Variants in NRG2 observed in about 807,000 individuals in gnomAD.
NRG2 encodes pro-neuregulin-2, membrane-bound isoform.
A neutral mutation model predicts 73.9 loss-of-function variants in NRG2; 27 were observed. The ratio of observed to expected loss-of-function variants is 0.37; its 90% CI spans 0.27 to 0.50. The LOEUF is 0.50. Among genes scored for constraint, NRG2 ranks in the 20% least tolerant of loss-of-function variants. The pLI is 0.96. For missense variants in NRG2, 1,126 were observed against 1,210.1 expected (o/e 0.93, Z 1.03); for synonymous variants, 532 against 541.0 (o/e 0.98, Z 0.23).
At chr5:140,025,600 A>G (rs1048889074) in intron 1 of NRG2, among the ~76,000 whole-genome samples, 1 of 152,220 alleles carries the variant, frequency 6.6e-6, no homozygotes, top group African/African-American at 2.4e-5. Flanking sequence ...AAATCCACAT[A>G]TCAGAGATTT....
chr5:140,008,944 G>C lies in NRG2; in HGVS notation c.700+33426C>G, dbSNP rs1331261859. On this transcript the variant is annotated intron_variant, in intron 1 of 9. Transcript: ENST00000361474. This position sits in a 1 kb window ranked among gnomAD's most constrained non-coding sequence, Gnocchi z 4.2. ...ATAGAACCAACCTCCCAGGGTTGTT[G>C]CAAGGACTGAGTGAGAGACAAAACA... Among the ~76,000 whole-genome samples the C allele has an allele frequency of 6.6e-6, 1 of 152,192 alleles. No individual in the cohort carries two copies. Among genetic ancestry groups the C allele is most frequent in the Non-Finnish European group, 1.5e-5 (1 of 68,034 alleles).
At chr5:139,927,305 G>C (rs1026339187) in intron 1 of NRG2, among the ~76,000 whole-genome samples, 1 of 151,982 alleles carries the variant, frequency 6.6e-6, no homozygotes, top group Non-Finnish European at 1.5e-5. Context: ...CTTATTCTTG[G>C]CTCACTCTGG....
intron 1 of NRG2, among the ~76,000 whole-genome samples, chr5:139,985,164 AC>A (rs1462876938): frequency 6.6e-6 from 1 of 151,672 alleles, no homozygotes; most frequent in Non-Finnish European, 1.5e-5. Context: ...ACATTGTGAA[AC>A]CCCGTCTCTA....
Position 139,938,850 on chromosome 5 carries a change from A to AAGAGAGAG in NRG2, c.701-51347_701-51340dup, listed in dbSNP as rs61044289. Among the ~76,000 whole-genome samples the AAGAGAGAG allele has an allele frequency of 2.8e-3, 270 of 95,034 alleles. 3 individuals are homozygous for AAGAGAGAG. The highest frequency in any genetic ancestry group is 9.8e-3 in the South Asian group (20 of 2,040). The allele number at this position is 95,034 out of a possible 152,430, so 62.3% of individuals were successfully genotyped here. ...ATTGGACAGTCATATACAGAAAGGG[A>AAGAGAGAG]AGAGAGAGAGAGAGAGAGAGAGAGA... On this transcript the variant is annotated intron_variant, in intron 1 of 9. Coordinates refer to ENST00000361474, the MANE Select transcript of NRG2 (RefSeq NM_004883.3).
At chr5:139,912,318 C>T (rs1314392976) in intron 1 of NRG2, among the ~76,000 whole-genome samples, 1 of 152,112 alleles carries the variant, frequency 6.6e-6, no homozygotes, top group African/African-American at 2.4e-5. Context: ...GCAAAAAATT[C>T]TCTTCTCTCT....
Position 139,851,894 on chromosome 5 carries a change from G to A in NRG2, c.1545-63C>T, listed in dbSNP as rs756639043. ...AGGGGCAGGGCGGCCCAGCAGGTGT[G>A]GTCCCATGGACCTCCCTGGCTCTTC... On this transcript the variant is annotated intron_variant, in intron 8 of 9. Transcript: ENST00000361474. The surrounding 1 kb of genome is among the most constrained non-coding windows in gnomAD (Gnocchi z 4.2). The A allele has an allele frequency of 6.9e-7, 1 of 1,447,052 alleles. No homozygotes were observed. 89.6% of individuals were successfully genotyped at this position (1,447,052 alleles called of 1,614,324 possible). A position where few individuals can be genotyped will look rare whatever the true frequency, so the allele number is the denominator to read the frequency against.
At chr5:140,037,473 G>T (rs1486592724) in intron 1 of NRG2, among the ~76,000 whole-genome samples, 1 of 152,200 alleles carries the variant, frequency 6.6e-6, no homozygotes, top group Non-Finnish European at 1.5e-5. Flanking sequence ...ATAGATACTT[G>T]AGATAGAGGA....
At chr5:139,982,596 AGC>A (rs1341346869) in intron 1 of NRG2, among the ~76,000 whole-genome samples, 1 of 152,220 alleles carries the variant, frequency 6.6e-6, no homozygotes, top group Non-Finnish European at 1.5e-5. Context: ...AAGCCAGCAG[AGC>A]GCGTCAGTCC....
chr5:139,885,597 G>T (rs1002132106), intron 2 of NRG2, among the ~76,000 whole-genome samples: 4 of 152,158 alleles, frequency 2.6e-5, no homozygotes, highest in Non-Finnish European at 4.4e-5. Context: ...GAGCAGCAGC[G>T]TGGAGGGACA....
intron 1 of NRG2, among the ~76,000 whole-genome samples, chr5:139,907,440 T>C (rs1765305580): frequency 6.6e-6 from 1 of 152,200 alleles, no homozygotes; most frequent in African/African-American, 2.4e-5. Context: ...GTGACCCCAG[T>C]TTCTGGTACA....
chr5:139,925,969 C>A (rs1671625633), intron 1 of NRG2, among the ~76,000 whole-genome samples: 1 of 152,230 alleles, frequency 6.6e-6, no homozygotes, highest in South Asian at 2.1e-4. Flanking sequence ...GCTGCCCAGG[C>A]AACTTTATCT....
chr5:139,981,006 G>A (rs1165624979), intron 1 of NRG2, among the ~76,000 whole-genome samples: 3 of 152,194 alleles, frequency 2.0e-5, no homozygotes, highest in Non-Finnish European at 2.9e-5. Context: ...CTCCTGGGGT[G>A]CAGCGTGGCT....
intron 1 of NRG2, among the ~76,000 whole-genome samples, chr5:139,909,575 G>A (rs1290843798): frequency 6.6e-6 from 1 of 152,228 alleles, no homozygotes; most frequent in Non-Finnish European, 1.5e-5. Flanking sequence ...TTGCCCGTGA[G>A]TTAAAAGTCC....
intron 1 of NRG2, among the ~76,000 whole-genome samples, chr5:139,895,330 C>G (rs142374481): frequency 1.5e-4 from 23 of 152,370 alleles, no homozygotes; most frequent in Admixed American, 2.0e-4. Flanking sequence ...GGCTGGGATA[C>G]AGGCACACGA....
At chr5:139,943,067 C>T (rs745822254) in intron 1 of NRG2, among the ~76,000 whole-genome samples, 7 of 152,176 alleles carry the variant, frequency 4.6e-5, no homozygotes, top group African/African-American at 1.4e-4. Context: ...TCTTGAGCTC[C>T]TGACTTCAGA....
chr5:140,018,210 A>T (rs980532348), intron 1 of NRG2, among the ~76,000 whole-genome samples: 8 of 152,176 alleles, frequency 5.3e-5, no homozygotes, highest in Non-Finnish European at 1.0e-4. Flanking sequence ...AGTCAGAACA[A>T]GATAAAATGG....
At chr5:139,882,643 G>T (rs977833263) in intron 2 of NRG2, among the ~76,000 whole-genome samples, 2 of 152,082 alleles carry the variant, frequency 1.3e-5, no homozygotes, top group African/African-American at 2.4e-5. Context: ...CCAGGGTATG[G>T]CTTCTCTCAC....
At chr5:139,923,550 T>G (rs547331676) in intron 1 of NRG2, among the ~76,000 whole-genome samples, 2 of 152,316 alleles carry the variant, frequency 1.3e-5, no homozygotes, top group East Asian at 3.9e-4. Context: ...GAGCCTAGTT[T>G]CCTTCTCTCC....
rs1420937705 is a variant in NRG2 at position 139,848,484 on chromosome 5, G to A, written c.1986C>T (p.Pro662=). The change falls in exon 10 of 10, where the codon CCC becomes CCT. Residue 662 remains proline (P), a synonymous_variant. Coordinates refer to ENST00000361474, the MANE Select transcript of NRG2 (RefSeq NM_004883.3). ...APPGPGPGPG[P]GPGPGADMQR... ...GCATGTCTGCGCCGGGCCCGGGCCC[G>A]GGCCCGGGTCCGGGTCCCGGGCCGG... The A allele has an allele frequency of 6.7e-6, 9 of 1,340,904 alleles. No individual in the cohort carries two copies. The highest frequency in any genetic ancestry group is 4.1e-5 in the Admixed American group (1 of 24,232). 83.1% of individuals were successfully genotyped at this position (1,340,904 alleles called of 1,614,324 possible). A position where few individuals can be genotyped will look rare whatever the true frequency, so the allele number is the denominator to read the frequency against.
Sources: allele counts gnomAD v4.1 joint callset (sites outside exome capture counted in the v4.1 genomes callset), GRCh38; gene constraint gnomAD v4.1.1; non-coding constraint Gnocchi (gnomAD v3.1); transcripts MANE v1.5; gene names NCBI Gene and HGNC (gene_info 2026-07-23, HGNC 2026-07-21).